Variants in SLC2A13 observed in about 807,000 individuals in gnomAD.
SLC2A13 encodes the protein proton myo-inositol cotransporter.
SLC2A13 carries 32 observed loss-of-function variants against 64.4 expected under a neutral mutation model. The ratio of observed to expected loss-of-function variants is 0.50; its 90% CI spans 0.37 to 0.67. The LOEUF is 0.67. SLC2A13 is among the 30% of genes least tolerant of loss of function. The probability of loss-of-function intolerance (pLI) is 0.00; values close to 1 mark genes in which losing one functional copy is unlikely to be tolerated. For synonymous variants in SLC2A13, 338 were observed against 327.1 expected, an observed-to-expected ratio of 1.03 and a Z score of -0.36; for missense variants, 743 against 829.2, an observed-to-expected ratio of 0.90 and a Z score of 1.28.
intron 3 of SLC2A13, among the ~76,000 whole-genome samples, chr12:39,963,926 A>G (rs1463659433): frequency 6.6e-6 from 1 of 152,176 alleles, no homozygotes. Flanking sequence ...ATCAAAAAAT[A>G]AAACTCAGCC....
At chr12:39,867,631 T>C (rs1397589688) in intron 5 of SLC2A13, among the ~76,000 whole-genome samples, 2 of 152,210 alleles carry the variant, frequency 1.3e-5, no homozygotes, top group African/African-American at 4.8e-5. Flanking sequence ...CTATTCTGTA[T>C]ATAGAAAATT....
chr12:39,787,468 T>C (rs1423411622), intron 7 of SLC2A13, among the ~76,000 whole-genome samples: 1 of 152,176 alleles, frequency 6.6e-6, no homozygotes, highest in African/African-American at 2.4e-5. Context: ...AGAAATCCTT[T>C]ATCGGGATTT....
chr12:39,934,766 T>C (rs933121430), intron 4 of SLC2A13, among the ~76,000 whole-genome samples: 11 of 152,186 alleles, frequency 7.2e-5, no homozygotes, highest in African/African-American at 2.7e-4. Context: ...TTTTCAAAAA[T>C]AGAAATAGGA....
chr12:39,846,974 C>T (rs1279196906), intron 6 of SLC2A13, among the ~76,000 whole-genome samples: 1 of 152,088 alleles, frequency 6.6e-6, no homozygotes, highest in Non-Finnish European at 1.5e-5. Context: ...ACAAACACAA[C>T]AAAAGGTAGC....
At chr12:40,057,402 G>A (rs1292539221) in intron 1 of SLC2A13, among the ~76,000 whole-genome samples, 1 of 152,090 alleles carries the variant, frequency 6.6e-6, no homozygotes, top group Admixed American at 6.6e-5. Context: ...AAATTTATGG[G>A]TGGGGCAGGA....
At chr12:39,926,211 C>A (rs1034675113) in intron 4 of SLC2A13, among the ~76,000 whole-genome samples, 25 of 151,938 alleles carry the variant, frequency 1.6e-4, no homozygotes, top group Admixed American at 3.9e-4. Context: ...AAATAAATAA[C>A]CCTTTGTATT....
intron 7 of SLC2A13, among the ~76,000 whole-genome samples, chr12:39,812,300 C>A (rs1042220468): frequency 6.6e-6 from 1 of 151,252 alleles, no homozygotes; most frequent in African/African-American, 2.5e-5. Flanking sequence ...TCCCAAAGGC[C>A]CCACCTCTAA....
At chr12:39,936,755 A>G (rs1945924834) in intron 4 of SLC2A13, among the ~76,000 whole-genome samples, 1 of 152,162 alleles carries the variant, frequency 6.6e-6, no homozygotes. Flanking sequence ...CACATGCATC[A>G]TTGAGAAGAG....
At chr12:39,823,386 T>C (rs994761847) in intron 7 of SLC2A13, among the ~76,000 whole-genome samples, 3 of 152,174 alleles carry the variant, frequency 2.0e-5, no homozygotes, top group Non-Finnish European at 4.4e-5. Flanking sequence ...ATGTGGTTTG[T>C]CAATGATAAA....
intron 9 of SLC2A13, among the ~76,000 whole-genome samples, chr12:39,762,544 G>T (rs1025726122): frequency 6.6e-6 from 1 of 151,940 alleles, no homozygotes; most frequent in Admixed American, 6.6e-5. Context: ...ATTGAATGGG[G>T]GCACAAGGCA....
chr12:39,893,925 TTAAC>T (rs1241393915), intron 4 of SLC2A13, among the ~76,000 whole-genome samples: 1 of 152,196 alleles, frequency 6.6e-6, no homozygotes, highest in Non-Finnish European at 1.5e-5. Flanking sequence ...GAACAATAAA[TTAAC>T]TTTCACAATT....
At chr12:40,000,686 C>G (rs1030812973) in intron 3 of SLC2A13, among the ~76,000 whole-genome samples, 3 of 152,228 alleles carry the variant, frequency 2.0e-5, no homozygotes, top group African/African-American at 4.8e-5. Context: ...GTTCTTTCCT[C>G]TGTGTGTGCA....
intron 1 of SLC2A13, among the ~76,000 whole-genome samples, chr12:40,101,066 T>C (rs986757000): frequency 4.6e-5 from 7 of 151,756 alleles, no homozygotes; most frequent in African/African-American, 1.7e-4. Context: ...TTTTCACGTT[T>C]AAAAAGTTCA....
chr12:39,766,536 C>T (rs1273179235), intron 7 of SLC2A13, among the ~76,000 whole-genome samples: 1 of 152,010 alleles, frequency 6.6e-6, no homozygotes, highest in African/African-American at 2.4e-5. Flanking sequence ...GTGGCTGTGG[C>T]AATTTCTCAA....
chr12:40,088,749 AAAG>A (rs1938668612), intron 1 of SLC2A13, among the ~76,000 whole-genome samples: 1 of 152,204 alleles, frequency 6.6e-6, no homozygotes, highest in Non-Finnish European at 1.5e-5. Flanking sequence ...GGGAGACACA[AAAG>A]AAGAGACAGG....
chr12:39,973,497 A>G (rs28370724), intron 3 of SLC2A13, among the ~76,000 whole-genome samples: 1,651 of 152,146 alleles, frequency 0.011, 22 homozygotes, highest in African/African-American at 0.037. Flanking sequence ...CCAAATCAAC[A>G]CTGTCATGCC....
In SLC2A13 at chr12:39,756,039, T is replaced by C. The variant is rs997065596; in HGVS notation, c.*3987A>G. ...AAAAATAGCAGCAGTATTGCTCACC[T>C]AGAAGAGCTGAATGTACCGACAATT... On this transcript the variant is annotated 3_prime_UTR_variant, in exon 10 of 10. Coordinates refer to ENST00000280871, the MANE Select transcript of SLC2A13 (RefSeq NM_052885.4). 2.6e-5 allele frequency: 4 copies of C among 151,990 alleles called. No homozygotes were observed. The highest frequency in any genetic ancestry group is 9.7e-5 in the African/African-American group (4 of 41,416). The allele number at this position is 151,990 out of a possible 1,614,324, so 9.4% of individuals were successfully genotyped here.
intron 3 of SLC2A13, among the ~76,000 whole-genome samples, chr12:40,013,479 C>T (rs926351046): frequency 2.0e-5 from 3 of 152,206 alleles, no homozygotes; most frequent in Non-Finnish European, 4.4e-5. Context: ...GAGAGGTCAA[C>T]TAAGTTGCCT....
chr12:40,028,726 TTTCCCACAAATTACATTGAAAAAGAA>T (rs1947862206), intron 2 of SLC2A13, among the ~76,000 whole-genome samples: 1 of 152,234 alleles, frequency 6.6e-6, no homozygotes, highest in Non-Finnish European at 1.5e-5. Context: ...TTTCTCTACC[TTTCCCACAAATTACATTGAAAAAGAA>T]TGAGCAAAAG....
Sources: allele counts gnomAD v4.1 joint callset (sites outside exome capture counted in the v4.1 genomes callset), GRCh38; gene constraint gnomAD v4.1.1; transcripts MANE v1.5; gene names NCBI Gene and HGNC (gene_info 2026-07-23, HGNC 2026-07-21).